Variants in SCFD2 observed in about 807,000 individuals in gnomAD.
SCFD2 encodes sec1 family domain-containing protein 2.
Under a neutral mutation model 58.9 loss-of-function variants are expected in SCFD2, and 54 were observed. The observed-to-expected ratio is 0.92, with a 90% CI of 0.74 to 1.15. SCFD2 has a LOEUF of 1.15. SCFD2 is among the 50% of genes most tolerant of loss of function. SCFD2 has a pLI of 0.00. For missense variants in SCFD2, 805 were observed against 836.6 expected (o/e 0.96, Z 0.47); for synonymous variants, 321 against 335.9 (o/e 0.96, Z 0.49).
At chr4:52,998,833 T>C (rs1175872908) in intron 5 of SCFD2, among the ~76,000 whole-genome samples, 4 of 152,170 alleles carry the variant, frequency 2.6e-5, no homozygotes, top group Non-Finnish European at 5.9e-5. Flanking sequence ...AATAATGACA[T>C]GGTATGCCAT....
chr4:52,972,255 C>T (rs1165248380), intron 5 of SCFD2, among the ~76,000 whole-genome samples: 52 of 152,134 alleles, frequency 3.4e-4, no homozygotes, highest in Admixed American at 3.3e-3. Flanking sequence ...CATCAGTGTG[C>T]TGTATTCAGG....
intron 5 of SCFD2, among the ~76,000 whole-genome samples, chr4:53,012,828 G>T (rs368400734): frequency 8.0e-5 from 8 of 100,454 alleles, no homozygotes; most frequent in African/African-American, 3.1e-4. Flanking sequence ...GTGTGTGTGT[G>T]TGTGTGTGTT....
At chr4:53,178,689 TCAAAC>T (rs1727432249) in intron 4 of SCFD2, among the ~76,000 whole-genome samples, 1 of 151,980 alleles carries the variant, frequency 6.6e-6, no homozygotes, top group Admixed American at 6.6e-5. Flanking sequence ...CTTCAGACTA[TCAAAC>T]TACTCCGAGC....
intron 2 of SCFD2, among the ~76,000 whole-genome samples, chr4:53,342,313 C>T (rs570883029): frequency 6.6e-6 from 1 of 152,184 alleles, no homozygotes; most frequent in East Asian, 1.9e-4. Flanking sequence ...CAATCCTAGT[C>T]TTGGATAAAA....
At chr4:52,983,519 G>T (rs549214223) in intron 5 of SCFD2, among the ~76,000 whole-genome samples, 4 of 152,112 alleles carry the variant, frequency 2.6e-5, no homozygotes, top group Non-Finnish European at 4.4e-5. Context: ...TTGTTGTAGT[G>T]GGTCTTACAA....
chr4:53,186,144 T>A (rs546417814), intron 4 of SCFD2, among the ~76,000 whole-genome samples: 23 of 152,240 alleles, frequency 1.5e-4, no homozygotes, highest in African/African-American at 5.5e-4. Flanking sequence ...TTTATGACAG[T>A]CCTATAAGAT....
chr4:53,324,757 C>T (rs576498547), intron 2 of SCFD2, among the ~76,000 whole-genome samples: 1 of 152,156 alleles, frequency 6.6e-6, no homozygotes, highest in South Asian at 2.1e-4. Context: ...TGGCTGGGAG[C>T]ATAAGAGCCC....
chr4:52,981,977 G>A (rs1271121981), intron 5 of SCFD2, among the ~76,000 whole-genome samples: 1 of 152,194 alleles, frequency 6.6e-6, no homozygotes, highest in Non-Finnish European at 1.5e-5. Context: ...GAAGGAAATG[G>A]ATTTGAGATG....
At chr4:53,164,772 C>T (rs1246647221) in intron 4 of SCFD2, among the ~76,000 whole-genome samples, 5 of 119,918 alleles carry the variant, frequency 4.2e-5, no homozygotes, top group African/African-American at 6.5e-5. Flanking sequence ...GGCGAAAAAG[C>T]GAGACTCTGG....
intron 5 of SCFD2, among the ~76,000 whole-genome samples, chr4:53,022,955 A>G (rs886718377): frequency 3.9e-5 from 6 of 152,206 alleles, no homozygotes; most frequent in African/African-American, 1.4e-4. Context: ...AGGTAAATCT[A>G]TAAAGCAGTG....
At chr4:53,362,967 T>C (rs1475496856) in intron 1 of SCFD2, among the ~76,000 whole-genome samples, 2 of 152,024 alleles carry the variant, frequency 1.3e-5, no homozygotes, top group Admixed American at 1.3e-4. Context: ...GATGGGAAAA[T>C]ACAGATTTGT....
At chr4:52,914,735 A>G (rs1719563360) in intron 6 of SCFD2, among the ~76,000 whole-genome samples, 2 of 152,180 alleles carry the variant, frequency 1.3e-5, no homozygotes, top group South Asian at 2.1e-4. Context: ...TGATGTTTTC[A>G]TATGTAATAT....
chr4:53,220,315 A>C (rs144351421), intron 4 of SCFD2, among the ~76,000 whole-genome samples: 46 of 152,342 alleles, frequency 3.0e-4, no homozygotes, highest in Non-Finnish European at 5.7e-4. Context: ...ATATATACCT[A>C]TTAATCCTGA....
At chr4:53,350,919 A>G (rs564390534) in intron 2 of SCFD2, among the ~76,000 whole-genome samples, 12 of 152,300 alleles carry the variant, frequency 7.9e-5, no homozygotes, top group African/African-American at 2.9e-4. Flanking sequence ...CACGTTGGCC[A>G]TGTTGGTCTC....
chr4:52,944,316 G>C (rs562902889), intron 5 of SCFD2, among the ~76,000 whole-genome samples: 2 of 152,100 alleles, frequency 1.3e-5, no homozygotes, highest in African/African-American at 2.4e-5. Context: ...AAATGTCTCT[G>C]GTTGTGGGAG....
chr4:53,365,904 C>G lies in SCFD2; in HGVS notation c.38G>C (p.Gly13Ala), dbSNP rs138592859. 4.0e-4 allele frequency: 643 copies of G among 1,591,710 alleles called. No individual in the cohort carries two copies. The highest frequency in any genetic ancestry group is 5.1e-4 in the Non-Finnish European group (593 of 1,172,494). The stretch of plus-strand genomic sequence containing the variant: ...CACTTTGGCCAGCACCTGCTCCCAT[C>G]CTTGCTGGGTAAAGGACAGTACGCC... ...ASGVLSFTQQ[G>A]WEQVLAKVKR... Residue 13 changes from glycine to alanine, a missense_variant, in exon 1 of 9, where the codon GGA becomes GCA. Physicochemically the swap from Gly to Ala is moderately conservative, Grantham distance 60 (BLOSUM62 0). This residue lies in a region of SCFD2 where 155 missense variants were observed against 149.7 expected (regional missense o/e 1.04). Transcript: ENST00000401642. The surrounding 1 kb of genome is among the most constrained non-coding windows in gnomAD (Gnocchi z 4.3).
chr4:52,887,770 C>T (rs1718772663), intron 7 of SCFD2, among the ~76,000 whole-genome samples: 1 of 152,144 alleles, frequency 6.6e-6, no homozygotes, highest in Non-Finnish European at 1.5e-5. Context: ...CACAGGCAGT[C>T]CCGAGGAGTG....
intron 5 of SCFD2, among the ~76,000 whole-genome samples, chr4:53,042,126 C>T (rs760526504): frequency 6.6e-6 from 1 of 152,138 alleles, no homozygotes; most frequent in African/African-American, 2.4e-5. Flanking sequence ...TAATCAACAA[C>T]TCTAATGTGG....
At chr4:53,105,536 T>C (rs1724968440) in intron 5 of SCFD2, among the ~76,000 whole-genome samples, 1 of 152,096 alleles carries the variant, frequency 6.6e-6, no homozygotes, top group Non-Finnish European at 1.5e-5. Flanking sequence ...CTTGAAAAGG[T>C]GGTTTTCCCC....
Sources: gnomAD v4.1 joint callset for allele counts (sites outside exome capture counted in the v4.1 genomes callset) on GRCh38, gnomAD v4.1.1 for gene constraint, gnomAD v4.1.1 regional missense constraint, Gnocchi (gnomAD v3.1) non-coding constraint, MANE v1.5 for transcripts, NCBI Gene and HGNC (gene_info 2026-07-23, HGNC 2026-07-21) for gene names.